Variants in NDST3 observed in about 807,000 individuals in gnomAD.
NDST3 encodes N-deacetylase and N-sulfotransferase 3, also known as bifunctional heparan sulfate N-deacetylase/N-sulfotransferase 3.
A neutral mutation model predicts 96.1 loss-of-function variants in NDST3; 58 were observed. That is an observed-to-expected ratio of 0.60 (90% confidence interval 0.49 to 0.75). The LOEUF is 0.75. NDST3 is among the 30% of genes least tolerant of loss of function. NDST3 has a pLI of 0.00. For missense variants in NDST3, 788 were observed against 1,034.2 expected (o/e 0.76, Z 3.27); for synonymous variants, 333 against 359.7 (o/e 0.93, Z 0.84).
chr4:118,241,945 G>A (rs1039700933), intron 11 of NDST3, 95 bp from the exon 12 acceptor site: 1 of 800,200 alleles, frequency 1.2e-6, no homozygotes, highest in Non-Finnish European at 2.1e-6. Context: ...GCTCAGGACA[G>A]TGTCTCTCAC....
chr4:118,115,018 A>G, intron 4 of NDST3, 58 bp downstream of exon 4: 1 of 1,548,454 alleles, frequency 6.5e-7, no homozygotes, highest in South Asian at 1.2e-5. Context: ...AAATGAAAAG[A>G]TTCTTACATT....
chr4:118,102,608 T>C (rs946089427), intron 2 of NDST3, among the ~76,000 whole-genome samples: 1 of 152,122 alleles, frequency 6.6e-6, no homozygotes, highest in Non-Finnish European at 1.5e-5. Context: ...ATAAAATCAT[T>C]CTAGTAATGA....
At chr4:118,116,925 T>C (rs1447501701) in intron 4 of NDST3, among the ~76,000 whole-genome samples, 1 of 151,888 alleles carries the variant, frequency 6.6e-6, no homozygotes, top group South Asian at 2.1e-4. Flanking sequence ...AGGAGTTACA[T>C]GCATTTTTTA....
intron 2 of NDST3, among the ~76,000 whole-genome samples, chr4:118,064,319 T>C (rs1726132854): frequency 6.6e-6 from 1 of 152,166 alleles, no homozygotes; most frequent in African/African-American, 2.4e-5. Flanking sequence ...TATTGTCACT[T>C]AGTCTCTGGG....
chr4:118,081,747 AT>A (rs1728041520), intron 2 of NDST3, among the ~76,000 whole-genome samples: 3 of 152,112 alleles, frequency 2.0e-5, no homozygotes, highest in Admixed American at 2.0e-4. Flanking sequence ...GCTTGTTACA[AT>A]TTATTAGCTG....
chr4:118,075,013 T>C (rs1727394622), intron 2 of NDST3, among the ~76,000 whole-genome samples: 1 of 152,132 alleles, frequency 6.6e-6, no homozygotes, highest in Admixed American at 6.6e-5. Flanking sequence ...TAACTCATCA[T>C]TTACATTAGG....
At chr4:118,192,117 AT>A (rs774993669) in intron 6 of NDST3, among the ~76,000 whole-genome samples, 22 of 152,244 alleles carry the variant, frequency 1.4e-4, no homozygotes, top group East Asian at 5.8e-4. Context: ...TCCTTTGCAC[AT>A]TTTTTATCAA....
At chr4:118,104,427 CAATT>C (rs1560645539) in intron 2 of NDST3, among the ~76,000 whole-genome samples, 1 of 152,000 alleles carries the variant, frequency 6.6e-6, no homozygotes, top group Non-Finnish European at 1.5e-5. Flanking sequence ...TAGGATATAA[CAATT>C]AAAACTCTGA....
intron 6 of NDST3, among the ~76,000 whole-genome samples, chr4:118,166,643 A>C (rs61443542): frequency 0.18 from 27,299 of 151,886 alleles, 2,568 homozygotes; most frequent in South Asian, 0.23. Context: ...AGATACAAAA[A>C]TCCTCAAAAA....
chr4:118,138,325 C>A (rs2125899712), intron 5 of NDST3, 86 bp downstream of exon 5: 1 of 1,227,762 alleles, frequency 8.1e-7, no homozygotes, highest in Non-Finnish European at 1.1e-6. Flanking sequence ...CAAATGTTAG[C>A]AGCATAAATG....
At chr4:118,096,549 C>A (rs1284688151) in intron 2 of NDST3, among the ~76,000 whole-genome samples, 3 of 151,708 alleles carry the variant, frequency 2.0e-5, no homozygotes, top group African/African-American at 7.3e-5. Context: ...TAATTTCTAA[C>A]CCAAACTACC....
intron 8 of NDST3, among the ~76,000 whole-genome samples, chr4:118,230,776 T>C (rs1269084529): frequency 2.0e-5 from 3 of 152,180 alleles, no homozygotes; most frequent in African/African-American, 7.2e-5. Context: ...TTCCCTATAA[T>C]GATCTATGAT....
At chr4:118,042,228 C>T (rs1724513060) in intron 1 of NDST3, among the ~76,000 whole-genome samples, 1 of 152,170 alleles carries the variant, frequency 6.6e-6, no homozygotes, top group African/African-American at 2.4e-5. Context: ...ATTATACTGG[C>T]ATCTTTATCT....
At chr4:118,038,131 C>T (rs1260508641) in intron 1 of NDST3, among the ~76,000 whole-genome samples, 1 of 152,058 alleles carries the variant, frequency 6.6e-6, no homozygotes, top group African/African-American at 2.4e-5. Flanking sequence ...TGGATTAGAC[C>T]CTAAAAGCTG....
intron 6 of NDST3, among the ~76,000 whole-genome samples, chr4:118,172,223 G>C (rs902939868): frequency 1.3e-5 from 2 of 152,180 alleles, no homozygotes; most frequent in African/African-American, 2.4e-5. Context: ...GGGAGGCTTG[G>C]CCAGGTGTCT....
chr4:118,210,138 T>C (rs56007507), intron 6 of NDST3, among the ~76,000 whole-genome samples: 25,729 of 151,912 alleles, frequency 0.17, 2,320 homozygotes, highest in South Asian at 0.23. Flanking sequence ...TGGAAAGAGT[T>C]GTGCTGTGTG....
At chr4:118,146,382 C>T (rs1733945518) in intron 6 of NDST3, among the ~76,000 whole-genome samples, 1 of 152,276 alleles carries the variant, frequency 6.6e-6, no homozygotes, top group Middle Eastern at 3.4e-3. Context: ...CATTCACATA[C>T]ATTTGAGCTG....
At chr4:118,058,529 T>TTTAGATAA (rs1725626090) in intron 2 of NDST3, among the ~76,000 whole-genome samples, 1 of 151,646 alleles carries the variant, frequency 6.6e-6, no homozygotes, top group African/African-American at 2.4e-5. Flanking sequence ...AAGAAAATTG[T>TTTAGATAA]TTAGATAATT....
chr4:118,091,585 C>T (rs1728869513), intron 2 of NDST3, among the ~76,000 whole-genome samples: 1 of 151,666 alleles, frequency 6.6e-6, no homozygotes, highest in Non-Finnish European at 1.5e-5. Flanking sequence ...TGCATCCTTA[C>T]TCTGACCCCA....
Sources: allele counts gnomAD v4.1 joint callset (sites outside exome capture counted in the v4.1 genomes callset), GRCh38; gene constraint gnomAD v4.1.1; transcripts MANE v1.5; gene names NCBI Gene and HGNC (gene_info 2026-07-23, HGNC 2026-07-21).